The following IL1RAPL1 variants were observed in gnomAD, a reference collection of about 807,000 sequenced individuals.
IL1RAPL1 encodes the protein interleukin 1 receptor accessory protein like 1.
IL1RAPL1 carries 3 observed loss-of-function variants against 48.4 expected under a neutral mutation model. The ratio of observed to expected loss-of-function variants is 0.06; its 90% CI spans 0.03 to 0.16. IL1RAPL1 has a LOEUF of 0.16. Among genes scored for constraint, IL1RAPL1 ranks in the 10% least tolerant of loss-of-function variants. The pLI is 1.00. For synonymous variants in IL1RAPL1, 185 were observed against 187.7 expected (o/e 0.99, Z 0.12); for missense variants, 349 against 530.6 (o/e 0.66, Z 3.36).
chrX:28,669,713 TATATC>T (rs1454305192), intron 1 of IL1RAPL1, among the ~76,000 whole-genome samples: 1 of 104,621 alleles, frequency 9.6e-6, no homozygotes, highest in Non-Finnish European at 1.9e-5. Flanking sequence ...TATATATAAT[TATATC>T]ATTTATAATA....
chrX:29,793,109 A>T lies in IL1RAPL1; in HGVS notation c.779-124355A>T, dbSNP rs182366448. ...ACCTCGAGTTCACCACATATTTTAT[A>T]TATTTATAATTTCACATATACTCAC... On this transcript the variant is annotated intron_variant, in intron 6 of 10. Transcript: ENST00000378993. 1.7e-4 allele frequency among the ~76,000 whole-genome samples: 19 copies of T among 112,377 alleles called. No homozygotes were observed. The Admixed American group carries it at 1.8e-3, about 11-fold the overall frequency.
intron 6 of IL1RAPL1, among the ~76,000 whole-genome samples, chrX:29,707,664 T>G (rs1235148068): frequency 8.9e-6 from 1 of 111,929 alleles, no homozygotes; most frequent in Non-Finnish European, 1.9e-5. Context: ...AAACTATTAT[T>G]CTAAGTGAAG....
intron 5 of IL1RAPL1, among the ~76,000 whole-genome samples, chrX:29,539,951 G>T (rs1921377674): frequency 9.0e-6 from 1 of 111,581 alleles, no homozygotes. Flanking sequence ...GCAAGTAAAA[G>T]AAATAAAAGG....
chrX:28,690,821 A>G (rs755960372), intron 1 of IL1RAPL1, among the ~76,000 whole-genome samples: 7 of 110,917 alleles, frequency 6.3e-5, no homozygotes, highest in Non-Finnish European at 1.1e-4. Context: ...AATCATAACC[A>G]TAACCATACC....
intron 2 of IL1RAPL1, among the ~76,000 whole-genome samples, chrX:28,903,172 TG>T (rs1923123640): frequency 9.0e-6 from 1 of 110,747 alleles, no homozygotes; most frequent in Admixed American, 9.7e-5. Context: ...CAGGCTGGAG[TG>T]TAGTGGCGCT....
At chrX:28,856,349 A>G (rs764181968) in intron 2 of IL1RAPL1, among the ~76,000 whole-genome samples, 2 of 112,283 alleles carry the variant, frequency 1.8e-5, no homozygotes, top group African/African-American at 6.5e-5. Flanking sequence ...TTAAAACTCA[A>G]CAGGAACCAC....
intron 6 of IL1RAPL1, among the ~76,000 whole-genome samples, chrX:29,880,626 A>C (rs1426045616): frequency 2.7e-5 from 3 of 112,092 alleles, no homozygotes; most frequent in Non-Finnish European, 5.7e-5. Context: ...TCTTGGTAAA[A>C]TCAGTTGACT....
Position 28,814,933 on chromosome X carries a change from A to G in IL1RAPL1, c.82+25508A>G, listed in dbSNP as rs778150644. Among the ~76,000 whole-genome samples, 5 of 109,960 alleles carry G rather than the reference A, an allele frequency of 4.5e-5. No individual in the cohort carries two copies. In the South Asian group the frequency reaches 1.5e-3, roughly 34 times the overall value. On this transcript the variant is annotated intron_variant, in intron 2 of 10. Coordinates refer to ENST00000378993, the MANE Select transcript of IL1RAPL1 (RefSeq NM_014271.4). ...TATCTTCAAATAACAGTATACTGCT[A>G]TATGCATGCTGCTGGTACTTTATAA...
intron 2 of IL1RAPL1, among the ~76,000 whole-genome samples, chrX:29,148,521 A>G (rs1271503518): frequency 8.9e-6 from 1 of 112,166 alleles, no homozygotes; most frequent in African/African-American, 3.2e-5. Flanking sequence ...TAAATGGTTT[A>G]AAATTGAATT....
chrX:28,769,646 G>C (rs1392776958), intron 1 of IL1RAPL1, among the ~76,000 whole-genome samples: 1 of 111,457 alleles, frequency 9.0e-6, no homozygotes, highest in Non-Finnish European at 1.9e-5. Flanking sequence ...CAGAGAGTAT[G>C]ACACAGTGAG....
intron 2 of IL1RAPL1, among the ~76,000 whole-genome samples, chrX:28,914,314 AAC>A (rs770701964): frequency 1.5e-4 from 17 of 111,324 alleles, no homozygotes; most frequent in Admixed American, 5.7e-4. Context: ...CAGGAAATAT[AAC>A]ACACATATCA....
chrX:29,071,098 T>C (rs1284780409), intron 2 of IL1RAPL1, among the ~76,000 whole-genome samples: 2 of 111,991 alleles, frequency 1.8e-5, no homozygotes, highest in Non-Finnish European at 3.8e-5. Flanking sequence ...AAATAATTAT[T>C]TTCAGATCTT....
At chrX:29,744,388 T>C (rs1380695702) in intron 6 of IL1RAPL1, among the ~76,000 whole-genome samples, 1 of 112,222 alleles carries the variant, frequency 8.9e-6, no homozygotes, top group African/African-American at 3.2e-5. Context: ...AATAGAAATA[T>C]CTGCCATTAC....
intron 3 of IL1RAPL1, among the ~76,000 whole-genome samples, chrX:29,330,818 T>C (rs1243308114): frequency 9.0e-6 from 1 of 111,615 alleles, no homozygotes; most frequent in Non-Finnish European, 1.9e-5. Context: ...AGGGTGCCCG[T>C]GTAAGTTATC....
chrX:28,847,464 C>A (rs1332793297), intron 2 of IL1RAPL1, among the ~76,000 whole-genome samples: 1 of 111,605 alleles, frequency 9.0e-6, no homozygotes, highest in East Asian at 2.8e-4. Context: ...TTATAATGGT[C>A]TTTTATCTCT....
intron 8 of IL1RAPL1, among the ~76,000 whole-genome samples, chrX:29,920,794 CAAAAAAAAAAAA>C (rs1176529100): frequency 6.3e-5 from 2 of 31,631 alleles, no homozygotes; most frequent in African/African-American, 2.5e-4. Flanking sequence ...GACCCTGTCT[CAAAAAAAAAAAA>C]AAAAAAAAAA....
intron 2 of IL1RAPL1, among the ~76,000 whole-genome samples, chrX:28,805,516 G>A (rs957101647): frequency 6.5e-4 from 72 of 111,215 alleles, no homozygotes; most frequent in African/African-American, 2.0e-3. Flanking sequence ...AATGGGTCTT[G>A]CCTTGATAAT....
At chrX:28,798,949 T>C (rs1020530285) in intron 2 of IL1RAPL1, among the ~76,000 whole-genome samples, 1 of 112,015 alleles carries the variant, frequency 8.9e-6, no homozygotes, top group Admixed American at 9.5e-5. Flanking sequence ...TCCACACATA[T>C]ACTTTCAAAA....
intron 5 of IL1RAPL1, among the ~76,000 whole-genome samples, chrX:29,517,111 A>G (rs1935453980): frequency 9.0e-6 from 1 of 111,143 alleles, no homozygotes; most frequent in South Asian, 3.7e-4. Context: ...CCTTAATTTA[A>G]TCACATTTAT....
Sources: allele counts gnomAD v4.1 joint callset (sites outside exome capture counted in the v4.1 genomes callset), GRCh38; gene constraint gnomAD v4.1.1; transcripts MANE v1.5; gene names NCBI Gene and HGNC (gene_info 2026-07-23, HGNC 2026-07-21).